Variants in PAIP2B observed in about 807,000 individuals in gnomAD.
PAIP2B encodes poly(A) binding protein interacting protein 2B, also known as polyadenylate-binding protein-interacting protein 2B.
PAIP2B carries 13 observed loss-of-function variants against 17.0 expected under a neutral mutation model. The observed-to-expected ratio is 0.76, with a 90% CI of 0.50 to 1.22. The LOEUF is 1.22. Ranked by LOEUF, PAIP2B falls within the 50% of genes most tolerant of loss-of-function variation. PAIP2B has a pLI of 0.00. For synonymous variants in PAIP2B, 43 were observed against 48.7 expected, an observed-to-expected ratio of 0.88 and a Z score of 0.48; for missense variants, 117 against 144.5, an observed-to-expected ratio of 0.81 and a Z score of 0.98.
chr2:71,198,028 G>T (rs11692943), intron 2 of PAIP2B, among the ~76,000 whole-genome samples: 9 of 152,194 alleles, frequency 5.9e-5, no homozygotes, highest in Non-Finnish European at 8.8e-5. Flanking sequence ...AGGGATGCCA[G>T]TGATACATAG....
chr2:71,196,726 T>A (rs1166009265), intron 2 of PAIP2B, among the ~76,000 whole-genome samples: 1 of 152,142 alleles, frequency 6.6e-6, no homozygotes, highest in African/African-American at 2.4e-5. Flanking sequence ...TTTAGGAAAG[T>A]TAGGTCTTCT....
intron 1 of PAIP2B, among the ~76,000 whole-genome samples, chr2:71,205,463 A>T (rs1675101829): frequency 6.6e-6 from 1 of 152,284 alleles, no homozygotes; most frequent in South Asian, 2.1e-4. Context: ...GTGTGAGTGA[A>T]CTGGTGCTTA....
chr2:71,203,879 A>G (rs1464273505), intron 1 of PAIP2B, among the ~76,000 whole-genome samples: 1 of 152,130 alleles, frequency 6.6e-6, no homozygotes, highest in Non-Finnish European at 1.5e-5. Flanking sequence ...GTATGTACAT[A>G]AAATTGTTTA....
At chr2:71,212,307 G>T (rs1321480410) in intron 1 of PAIP2B, among the ~76,000 whole-genome samples, 3 of 152,172 alleles carry the variant, frequency 2.0e-5, no homozygotes, top group Non-Finnish European at 4.4e-5. Flanking sequence ...ATTTGAGAGA[G>T]CATCACTCAT....
chr2:71,212,335 G>C (rs147590435), intron 1 of PAIP2B, among the ~76,000 whole-genome samples: 12 of 152,288 alleles, frequency 7.9e-5, no homozygotes. Context: ...TTTGGGACTA[G>C]TCTATAACCT....
intron 2 of PAIP2B, among the ~76,000 whole-genome samples, chr2:71,196,040 T>A (rs1009024400): frequency 2.6e-5 from 4 of 152,154 alleles, no homozygotes; most frequent in African/African-American, 9.7e-5. Flanking sequence ...TTTTTGTTAT[T>A]TCTCGTCTTC....
rs1439788321 is a variant in PAIP2B at position 71,184,646 on chromosome 2, C to T, written c.*3833G>A. On this transcript the variant is annotated 3_prime_UTR_variant, in exon 4 of 4. Transcript: ENST00000244221. ...GAGGCTGCAGAGGTGCTCTGTCTAC[C>T]GGGAGAACTAATGATCCCTGTGAGC... 1.3e-5 allele frequency: 2 copies of T among 152,102 alleles called. No homozygotes were observed. Among genetic ancestry groups the T allele is most frequent in the Non-Finnish European group, 1.5e-5 (1 of 68,028 alleles). The allele number at this position is 152,102 out of a possible 1,614,324, so 9.4% of individuals were successfully genotyped here. A position where few individuals can be genotyped will look rare whatever the true frequency, so the allele number is the denominator to read the frequency against.
intron 1 of PAIP2B, among the ~76,000 whole-genome samples, chr2:71,219,371 T>A (rs1484598958): frequency 6.6e-6 from 1 of 152,216 alleles, no homozygotes; most frequent in African/African-American, 2.4e-5. Flanking sequence ...CCATGTAGGC[T>A]AGAGAGCTTG....
At chr2:71,222,599 A>G (rs1241793157) in intron 1 of PAIP2B, among the ~76,000 whole-genome samples, 1 of 152,248 alleles carries the variant, frequency 6.6e-6, no homozygotes. Flanking sequence ...GGCTGCTTAG[A>G]TGACTTTCCA....
chr2:71,183,455 A>G lies in PAIP2B; in HGVS notation c.*5024T>C, dbSNP rs1301230822. ...GATGACAAAGCTCATTCTGATTAGT[A>G]GTTTTTTTGACATGCACAGCAGCTT... On this transcript the variant is annotated 3_prime_UTR_variant, in exon 4 of 4. Coordinates refer to ENST00000244221, the MANE Select transcript of PAIP2B (RefSeq NM_020459.1). 8.2e-6 allele frequency: 1 copy of G among 121,948 alleles called. No individual in the cohort carries two copies. Among genetic ancestry groups the G allele is most frequent in the African/African-American group, 3.2e-5 (1 of 31,092 alleles). The allele number at this position is 121,948 out of a possible 1,614,324, so 7.6% of individuals were successfully genotyped here.
chr2:71,197,546 A>G (rs1173548048), intron 2 of PAIP2B, among the ~76,000 whole-genome samples: 1 of 152,082 alleles, frequency 6.6e-6, no homozygotes, highest in Non-Finnish European at 1.5e-5. Context: ...TCTGAATTTG[A>G]CTGTTGGACT....
intron 1 of PAIP2B, among the ~76,000 whole-genome samples, chr2:71,212,751 G>A (rs1675333241): frequency 6.6e-6 from 1 of 151,278 alleles, no homozygotes; most frequent in South Asian, 2.1e-4. Flanking sequence ...ACTATGCCCA[G>A]CCTATTTTTT....
At chr2:71,212,344 C>T (rs533312312) in intron 1 of PAIP2B, among the ~76,000 whole-genome samples, 11 of 152,262 alleles carry the variant, frequency 7.2e-5, no homozygotes, top group African/African-American at 2.4e-4. Context: ...AGTCTATAAC[C>T]TTGGAAGTTT....
chr2:71,217,915 CA>C (rs1258197219), intron 1 of PAIP2B, among the ~76,000 whole-genome samples: 1 of 151,934 alleles, frequency 6.6e-6, no homozygotes, highest in Non-Finnish European at 1.5e-5. Flanking sequence ...AAAAATTTTT[CA>C]AATCTGCTGG....
At position 71,216,562 on chromosome 2, in the gene PAIP2B, T is replaced by C. The variant is rs1375201697; in HGVS notation, c.-12+10366A>G. ...GAGCTTTCTTCTAGAGTTCTACAAT[T>C]TTTAGTATACAAGAATGGTTCTCAA... On this transcript the variant is annotated intron_variant, in intron 1 of 3. Coordinates refer to ENST00000244221, the MANE Select transcript of PAIP2B (RefSeq NM_020459.1). Among the ~76,000 whole-genome samples the C allele has an allele frequency of 2.6e-5, 4 of 152,186 alleles. 1 individual carries two copies. The highest frequency in any genetic ancestry group is 2.6e-4 in the Admixed American group (4 of 15,280).
intron 2 of PAIP2B, among the ~76,000 whole-genome samples, chr2:71,194,082 T>G (rs570988396): frequency 9.8e-5 from 15 of 152,318 alleles, no homozygotes; most frequent in Admixed American, 5.2e-4. Flanking sequence ...TTTATGTGCC[T>G]GCTTTTGTAC....
intron 2 of PAIP2B, among the ~76,000 whole-genome samples, chr2:71,200,433 C>G (rs1001551863): frequency 1.3e-5 from 2 of 152,204 alleles, no homozygotes; most frequent in Non-Finnish European, 2.9e-5. Context: ...ACTCCTATGA[C>G]CTGAAATCAT....
intron 1 of PAIP2B, among the ~76,000 whole-genome samples, chr2:71,220,791 G>T (rs997504874): frequency 6.6e-6 from 1 of 152,144 alleles, no homozygotes; most frequent in Non-Finnish European, 1.5e-5. Context: ...CACCCGGCCA[G>T]CTTCATTTGA....
chr2:71,219,486 A>C (rs570471412), intron 1 of PAIP2B, among the ~76,000 whole-genome samples: 20 of 152,260 alleles, frequency 1.3e-4, no homozygotes, highest in Non-Finnish European at 4.4e-5. Flanking sequence ...TTTTTGTTTT[A>C]AATTGTTTTA....
Sources: allele counts gnomAD v4.1 joint callset (sites outside exome capture counted in the v4.1 genomes callset), GRCh38; gene constraint gnomAD v4.1.1; transcripts MANE v1.5; gene names NCBI Gene and HGNC (gene_info 2026-07-23, HGNC 2026-07-21).